Variants in GPRIN3 observed in about 807,000 individuals in gnomAD.
The protein encoded by GPRIN3 is GPRIN family member 3.
GPRIN3 carries 12 observed loss-of-function variants against 13.7 expected under a neutral mutation model. The ratio of observed to expected loss-of-function variants is 0.87; its 90% confidence interval spans 0.56 to 1.42. The LOEUF (loss-of-function observed/expected upper bound fraction) is 1.42. GPRIN3 is among the 40% of genes most tolerant of loss of function. The probability of loss-of-function intolerance (pLI) is 0.00; values close to 1 mark genes in which losing one functional copy is unlikely to be tolerated. For synonymous variants in GPRIN3, 377 were observed against 372.7 expected (o/e 1.01, Z -0.13); for missense variants, 1,009 against 958.7 (o/e 1.05, Z -0.69).
At position 89,243,531 on chromosome 4, in the gene GPRIN3, G is replaced by C. The variant is rs186221510; in HGVS notation, c.*4249C>G. 1 of 152,260 alleles carries C rather than the reference G, an allele frequency of 6.6e-6. No homozygotes were observed. Among genetic ancestry groups the C allele is most frequent in the East Asian group, 1.9e-4 (1 of 5,182 alleles). 9.4% of individuals were successfully genotyped at this position (152,260 alleles called of 1,614,324 possible). On this transcript the variant is annotated 3_prime_UTR_variant, in exon 2 of 2. Coordinates refer to ENST00000609438, the MANE Select transcript of GPRIN3 (RefSeq NM_198281.3). The stretch of plus-strand genomic sequence containing the variant: ...ATATGTAAAATAACAAACACTAAAG[G>C]GGATGTTTGACTTCTGATTTCACCA...
At chr4:89,264,218 G>A (rs796817511) in intron 1 of GPRIN3, among the ~76,000 whole-genome samples, 5 of 152,206 alleles carry the variant, frequency 3.3e-5, no homozygotes, top group Non-Finnish European at 5.9e-5. Context: ...AGATGAATGA[G>A]TTCTCTATTA....
At position 89,248,919 on chromosome 4, in the gene GPRIN3, C is replaced by T. The variant is rs752040251; in HGVS notation, c.1192G>A (p.Ala398Thr). 33 of 1,614,094 alleles carry T rather than the reference C, an allele frequency of 2.0e-5. No homozygotes were observed. The highest frequency in any genetic ancestry group is 2.7e-5 in the Non-Finnish European group (32 of 1,180,040). The change falls in exon 2 of 2, where the codon GCA (alanine) becomes ACA (threonine). Residue 398 changes from alanine (A) to threonine (T), a missense_variant. Transcript: ENST00000609438. The stretch of plus-strand genomic sequence containing the variant: ...CGTTGGAAAGCTGTAGACTCAGCTG[C>T]AGCTGCCTGAATGTGCACCTGTGGC... ...IMPQVHIQAA[A>T]AESTAFQREN...
rs1722973011 is a variant in GPRIN3 at position 89,242,570 on chromosome 4, A to C, written c.*5210T>G. On this transcript the variant is annotated 3_prime_UTR_variant, in exon 2 of 2. Transcript: ENST00000609438. ...TCATTAGTGCTGTACCTCTTTATGA[A>C]GCTTCTAAACAAGTTTTTCCAGGAA... is the stretch of plus-strand genomic sequence containing the variant. The C allele has an allele frequency of 6.6e-6, 1 of 152,184 alleles. No homozygotes were observed. Among genetic ancestry groups the C allele is most frequent in the Admixed American group, 6.5e-5 (1 of 15,268 alleles). 9.4% of individuals were successfully genotyped at this position (152,184 alleles called of 1,614,324 possible). A position where few individuals can be genotyped will look rare whatever the true frequency, so the allele number is the denominator to read the frequency against.
chr4:89,248,909 G>C lies in GPRIN3; in HGVS notation c.1202C>G (p.Ser401Cys). 10 of 1,614,210 alleles carry C rather than the reference G, an allele frequency of 6.2e-6. No individual in the cohort carries two copies. The highest frequency in any genetic ancestry group is 8.5e-6 in the Non-Finnish European group (10 of 1,180,030). The change falls in exon 2 of 2, where the codon TCT becomes TGT. Residue 401 changes from serine (S) to cysteine (C), a missense_variant. Ser to Cys is a moderately radical substitution (Grantham distance 112). Coordinates refer to ENST00000609438, the MANE Select transcript of GPRIN3 (RefSeq NM_198281.3). Reference sequence around the variant, plus strand: ...TTTATTTTCCCGTTGGAAAGCTGTAGACTCAGCTGCAGCTGCCTGAATGTG... The same window carrying C: ...TTTATTTTCCCGTTGGAAAGCTGTACACTCAGCTGCAGCTGCCTGAATGTG... The part of the protein sequence containing the change: ...QVHIQAAAAE[S>C]TAFQRENKLA...
intron 1 of GPRIN3, among the ~76,000 whole-genome samples, chr4:89,288,073 G>A (rs987534331): frequency 4.6e-5 from 7 of 152,002 alleles, no homozygotes; most frequent in Non-Finnish European, 8.8e-5. Flanking sequence ...TCGGTGCCTC[G>A]AGGGCCCGTG....
chr4:89,304,233 C>T (rs570904296), intron 1 of GPRIN3, among the ~76,000 whole-genome samples: 1 of 152,252 alleles, frequency 6.6e-6, no homozygotes, highest in African/African-American at 2.4e-5. Context: ...CAGAATATTG[C>T]GGAAAATGCT....
intron 1 of GPRIN3, among the ~76,000 whole-genome samples, chr4:89,270,112 A>G (rs939022441): frequency 6.6e-6 from 1 of 152,188 alleles, no homozygotes; most frequent in African/African-American, 2.4e-5. Context: ...ATTAAAAAGT[A>G]TAAAGAAAGT....
chr4:89,281,185 G>A (rs933369182), intron 1 of GPRIN3, among the ~76,000 whole-genome samples: 4 of 151,766 alleles, frequency 2.6e-5, no homozygotes, highest in East Asian at 3.9e-4. Context: ...GTGCAATAGC[G>A]TGAACTCAGC....
intron 1 of GPRIN3, among the ~76,000 whole-genome samples, chr4:89,296,501 G>A (rs1724741044): frequency 6.6e-6 from 1 of 152,100 alleles, no homozygotes; most frequent in African/African-American, 2.4e-5. Context: ...ACACTTAGCT[G>A]TAAGCTGTAA....
chr4:89,279,382 A>G (rs1183697617), intron 1 of GPRIN3, among the ~76,000 whole-genome samples: 1 of 151,926 alleles, frequency 6.6e-6, no homozygotes. Context: ...ATGTGTTCCC[A>G]CTTCATTTGG....
chr4:89,278,927 G>C (rs1215737466), intron 1 of GPRIN3, among the ~76,000 whole-genome samples: 1 of 152,224 alleles, frequency 6.6e-6, no homozygotes, highest in Non-Finnish European at 1.5e-5. Context: ...GTAGAGGCCT[G>C]TCACTGGAAG....
At chr4:89,254,510 G>A (rs1172978781) in intron 1 of GPRIN3, among the ~76,000 whole-genome samples, 1 of 152,142 alleles carries the variant, frequency 6.6e-6, no homozygotes, top group African/African-American at 2.4e-5. Flanking sequence ...GTTTGCTAAG[G>A]ATAATGGCCT....
intron 1 of GPRIN3, among the ~76,000 whole-genome samples, chr4:89,287,245 C>T (rs1464200857): frequency 6.6e-6 from 1 of 152,042 alleles, no homozygotes; most frequent in Non-Finnish European, 1.5e-5. Context: ...AGAAAAATGC[C>T]ATGAGAGAGC....
Position 89,249,237 on chromosome 4 carries a change from T to C in GPRIN3, c.874A>G (p.Met292Val). The C allele has an allele frequency of 3.7e-6, 6 of 1,614,080 alleles. No individual in the cohort carries two copies. Among genetic ancestry groups the C allele is most frequent in the Non-Finnish European group, 5.1e-6 (6 of 1,180,004 alleles). Reference protein sequence around the residue: ...EKVPLPAQRQMSRFKEASTMT... With the variant: ...EKVPLPAQRQVSRFKEASTMT... ...GTACTGGCTTCTTTGAACCTTGACA[T>C]CTGACGCTGTGCTGGCAGCGGCACC... Residue 292 changes from methionine (M) to valine (V), a missense_variant, in exon 2 of 2, where the codon ATG (methionine) becomes GTG (valine). Coordinates refer to ENST00000609438, the MANE Select transcript of GPRIN3 (RefSeq NM_198281.3).
chr4:89,264,307 C>T (rs1723725947), intron 1 of GPRIN3, among the ~76,000 whole-genome samples: 1 of 152,206 alleles, frequency 6.6e-6, no homozygotes, highest in Non-Finnish European at 1.5e-5. Context: ...AGTTTGATCT[C>T]TGCACACCCT....
At chr4:89,298,861 C>G (rs1012316976) in intron 1 of GPRIN3, among the ~76,000 whole-genome samples, 1 of 151,982 alleles carries the variant, frequency 6.6e-6, no homozygotes, top group Admixed American at 6.6e-5. Flanking sequence ...CTGACATGCT[C>G]TCAATCCAGT....
At chr4:89,272,174 C>T (rs1723971665) in intron 1 of GPRIN3, among the ~76,000 whole-genome samples, 1 of 152,134 alleles carries the variant, frequency 6.6e-6, no homozygotes, top group Non-Finnish European at 1.5e-5. Context: ...AGGACTAAGA[C>T]AGAGTAACGG....
chr4:89,271,867 C>T (rs1289571822), intron 1 of GPRIN3, among the ~76,000 whole-genome samples: 1 of 152,132 alleles, frequency 6.6e-6, no homozygotes, highest in African/African-American at 2.4e-5. Flanking sequence ...CATGTTGAAA[C>T]CTCAAACCCA....
chr4:89,288,508 A>G (rs545841548), intron 1 of GPRIN3, among the ~76,000 whole-genome samples: 2 of 152,350 alleles, frequency 1.3e-5, no homozygotes, highest in Admixed American at 1.3e-4. Context: ...ACATGAGGGC[A>G]GCAGGCAGCT....
Sources: gnomAD v4.1 joint callset for allele counts (sites outside exome capture counted in the v4.1 genomes callset) on GRCh38, gnomAD v4.1.1 for gene constraint, MANE v1.5 for transcripts, NCBI Gene and HGNC (gene_info 2026-07-23, HGNC 2026-07-21) for gene names.